Variants in CAPN2 observed in about 807,000 individuals in gnomAD.
CAPN2 encodes calpain-2 catalytic subunit.
A neutral mutation model predicts 102.3 loss-of-function variants in CAPN2; 92 were observed. That is an observed-to-expected ratio of 0.90 (90% CI 0.76 to 1.07). CAPN2 has a LOEUF of 1.07. Ranked by LOEUF, CAPN2 falls within the 50% of genes least tolerant of loss-of-function variation. The pLI is 0.00. For synonymous variants in CAPN2, 340 were observed against 355.4 expected, an observed-to-expected ratio of 0.96 and a Z score of 0.49; for missense variants, 800 against 909.4, an observed-to-expected ratio of 0.88 and a Z score of 1.55.
chr1:223,723,165 T>C (rs1660100211), intron 2 of CAPN2, among the ~76,000 whole-genome samples: 1 of 152,036 alleles, frequency 6.6e-6, no homozygotes, highest in Admixed American at 6.5e-5. Flanking sequence ...TACAAAAAAA[T>C]TACCTGGGCT....
intron 4 of CAPN2, 81 bp from the exon 5 acceptor site, chr1:223,746,916 C>T (rs746692101): frequency 4.3e-5 from 53 of 1,240,852 alleles, no homozygotes; most frequent in South Asian, 9.0e-5. Context: ...CAAATCTAGA[C>T]GGTACTAGGG....
chr1:223,770,276 CA>C, intron 17 of CAPN2, 170 bp from the exon 18 acceptor site: 1 of 609,568 alleles, frequency 1.6e-6, no homozygotes, highest in Non-Finnish European at 3.0e-6. Context: ...AGCTCACAGA[CA>C]GAAGCAAAAT....
chr1:223,745,515 A>C, intron 4 of CAPN2, 76 bp downstream of exon 4: 1 of 1,569,088 alleles, frequency 6.4e-7, no homozygotes. Flanking sequence ...TCATGCCTGT[A>C]ATCTCAGCAC....
At chr1:223,772,018 A>G in intron 19 of CAPN2, 93 bp downstream of exon 19, 1 of 1,124,492 alleles carries the variant, frequency 8.9e-7, no homozygotes, top group Non-Finnish European at 1.4e-6. Flanking sequence ...AACTAGAGAC[A>G]TGTCTTCCAG....
intron 6 of CAPN2, among the ~76,000 whole-genome samples, chr1:223,750,313 C>T (rs889852305): frequency 1.2e-4 from 18 of 152,160 alleles, no homozygotes; most frequent in African/African-American, 4.3e-4. Flanking sequence ...TATGACACTT[C>T]CCTCCTCAAT....
intron 7 of CAPN2, 49 bp from the exon 8 acceptor site, chr1:223,751,948 G>A (rs779814458): frequency 1.8e-5 from 23 of 1,283,072 alleles, no homozygotes; most frequent in African/African-American, 3.0e-5. Flanking sequence ...GGGGCCTTTG[G>A]GGAGAAATCA....
In CAPN2 at chr1:223,731,051, TTGGGAGTCAGC is replaced by T. The variant is rs2102785185; in HGVS notation, c.308-13038_308-13028del. Among the ~76,000 whole-genome samples, 1 of 152,182 alleles carries T rather than the reference TTGGGAGTCAGC, an allele frequency of 6.6e-6. No individual in the cohort carries two copies. The highest frequency in any genetic ancestry group is 1.5e-5 in the Non-Finnish European group (1 of 67,996). ...GGATTAATTCCAAGTTCAGATCATG[TTGGGAGTCAGC>T]TGGGAGTCAGTGTGAGGATCTGGGA... On this transcript the variant is annotated intron_variant, in intron 2 of 20. Transcript: ENST00000295006. This position sits in a 1 kb window ranked among gnomAD's most constrained non-coding sequence, Gnocchi z 4.2.
At chr1:223,734,411 A>G (rs1162795020) in intron 2 of CAPN2, among the ~76,000 whole-genome samples, 2 of 152,008 alleles carry the variant, frequency 1.3e-5, no homozygotes. Flanking sequence ...TCAGCCTCCC[A>G]GGTAGCTGGG....
At chr1:223,733,095 C>G (rs1660371219) in intron 2 of CAPN2, among the ~76,000 whole-genome samples, 1 of 152,126 alleles carries the variant, frequency 6.6e-6, no homozygotes, top group Non-Finnish European at 1.5e-5. Flanking sequence ...CAGCCAGCAC[C>G]AACCTGCCCA....
rs376602231 is a variant in CAPN2, at chr1:223,737,718, G to A, written c.308-6382G>A. Among the ~76,000 whole-genome samples the A allele has an allele frequency of 5.0e-4, 39 of 77,422 alleles. 7 individuals are homozygous for A. The highest frequency in any genetic ancestry group is 1.2e-3 in the East Asian group (4 of 3,230). 50.8% of individuals were successfully genotyped at this position (77,422 alleles called of 152,430 possible). A position where few individuals can be genotyped will look rare whatever the true frequency, so the allele number is the denominator to read the frequency against. The stretch of plus-strand genomic sequence containing the variant: ...CAAAAGAGACGGGGCGGGGGGTGGG[G>A]GGGAGAGAATACAATAACACCATGT... On this transcript the variant is annotated intron_variant, in intron 2 of 20. Transcript: ENST00000295006.
rs560140370 is a variant in CAPN2 at position 223,725,211 on chromosome 1, A to G, written c.307+7380A>G. Among the ~76,000 whole-genome samples the G allele has an allele frequency of 6.6e-6, 1 of 151,978 alleles. No individual in the cohort carries two copies. Among genetic ancestry groups the G allele is most frequent in the South Asian group, 2.1e-4 (1 of 4,804 alleles). On this transcript the variant is annotated intron_variant, in intron 2 of 20. Transcript: ENST00000295006. This position sits in a 1 kb window ranked among gnomAD's most constrained non-coding sequence, Gnocchi z 4.1. ...CACGGTGAAAACCCATCTCTACAAA[A>G]CTACAATATGAAATACAAACAATTA...
At chr1:223,767,517 A>G (rs1425820402) in intron 16 of CAPN2, among the ~76,000 whole-genome samples, 1 of 150,368 alleles carries the variant, frequency 6.7e-6, no homozygotes, top group African/African-American at 2.5e-5. Context: ...AAGGACATGA[A>G]CTCATCATTT....
chr1:223,709,394 C>G (rs1659681103), upstream of CAPN2, among the ~76,000 whole-genome samples: 1 of 152,156 alleles, frequency 6.6e-6, no homozygotes, highest in African/African-American at 2.4e-5. Context: ...GGTGCAGTGG[C>G]TCACACCTGT....
At chr1:223,733,588 G>T (rs1660382534) in intron 2 of CAPN2, among the ~76,000 whole-genome samples, 1 of 152,184 alleles carries the variant, frequency 6.6e-6, no homozygotes, top group Non-Finnish European at 1.5e-5. Flanking sequence ...CTGGCTACCT[G>T]GTGTGCTCTC....
At chr1:223,745,891 G>A (rs1660739809) in intron 4 of CAPN2, among the ~76,000 whole-genome samples, 2 of 152,222 alleles carry the variant, frequency 1.3e-5, no homozygotes, top group African/African-American at 2.4e-5. Flanking sequence ...TTGCCAATGG[G>A]CAGAACTATT....
intron 7 of CAPN2, among the ~76,000 whole-genome samples, chr1:223,751,233 T>G (rs1660883881): frequency 1.3e-5 from 2 of 152,098 alleles, no homozygotes; most frequent in African/African-American, 4.8e-5. Flanking sequence ...GCCTCCAGGT[T>G]CACCCCTTCC....
chr1:223,745,231 G>T, intron 3 of CAPN2, 75 bp from the exon 4 acceptor site: 1 of 1,599,434 alleles, frequency 6.3e-7, no homozygotes, highest in Non-Finnish European at 8.5e-7. Context: ...GGCAAGGGGA[G>T]CCAGAGGCAG....
At chr1:223,713,110 C>T (rs547677097) in intron 1 of CAPN2, among the ~76,000 whole-genome samples, 2 of 152,294 alleles carry the variant, frequency 1.3e-5, no homozygotes, top group East Asian at 1.9e-4. Flanking sequence ...CTTTCCTGGG[C>T]GGGTCGAGGC....
intron 2 of CAPN2, among the ~76,000 whole-genome samples, chr1:223,739,854 T>G (rs1420536650): frequency 6.6e-6 from 1 of 152,176 alleles, no homozygotes; most frequent in Non-Finnish European, 1.5e-5. Flanking sequence ...AGCCAAAAGT[T>G]ATTTGTAGCA....
Sources: allele counts gnomAD v4.1 joint callset (sites outside exome capture counted in the v4.1 genomes callset), GRCh38; gene constraint gnomAD v4.1.1; non-coding constraint Gnocchi (gnomAD v3.1); transcripts MANE v1.5; gene names NCBI Gene and HGNC (gene_info 2026-07-23, HGNC 2026-07-21).